FRY: variants seen among roughly 807,000 people sequenced by gnomAD.
FRY encodes the protein protein furry homolog.
FRY carries 128 observed loss-of-function variants against 348.4 expected under a neutral mutation model. The ratio of observed to expected loss-of-function variants is 0.37; its 90% CI spans 0.32 to 0.43. FRY has a LOEUF of 0.43. Among genes scored for constraint, FRY ranks in the 20% least tolerant of loss-of-function variants. The probability of loss-of-function intolerance (pLI) is 1.00; values close to 1 mark genes in which losing one functional copy is unlikely to be tolerated. For missense variants in FRY, 2,736 were observed against 3,695.2 expected (o/e 0.74, Z 6.73); for synonymous variants, 1,370 against 1,374.7 (o/e 1.00, Z 0.08).
At chr13:32,209,800 G>T (rs546486473) in intron 33 of FRY, 69 bp downstream of exon 33, 2 of 1,455,284 alleles carry the variant, frequency 1.4e-6, no homozygotes, top group African/African-American at 2.8e-5. Flanking sequence ...TTGCAAGTCA[G>T]AATGTGCTCT....
chr13:32,162,206 C>CTAT (rs1424934822), intron 17 of FRY, among the ~76,000 whole-genome samples: 2 of 152,232 alleles, frequency 1.3e-5, no homozygotes, highest in Non-Finnish European at 2.9e-5. Flanking sequence ...CAAAAAATGT[C>CTAT]AATTTAGGCT....
intron 7 of FRY, among the ~76,000 whole-genome samples, chr13:32,126,557 T>C (rs1266041178): frequency 6.6e-6 from 1 of 152,224 alleles, no homozygotes; most frequent in East Asian, 1.9e-4. Flanking sequence ...ATGCCTCCAT[T>C]TGGACAGTGC....
chr13:32,274,494 T>TAG (rs1429231686), intron 55 of FRY, among the ~76,000 whole-genome samples: 3 of 147,226 alleles, frequency 2.0e-5, no homozygotes, highest in Non-Finnish European at 4.5e-5. Context: ...GATCACAAGG[T>TAG]CAGATCGAGA....
At chr13:32,226,123 C>T (rs1885566870) in intron 39 of FRY, 149 bp downstream of exon 39, 6 of 677,760 alleles carry the variant, frequency 8.9e-6, no homozygotes, top group Non-Finnish European at 1.3e-5. Flanking sequence ...AAATACACAC[C>T]ATTTCACTTG....
chr13:32,249,467 G>A, intron 48 of FRY, 59 bp from the exon 49 acceptor site: 1 of 1,584,640 alleles, frequency 6.3e-7, no homozygotes, highest in Non-Finnish European at 8.6e-7. Flanking sequence ...TGGGGAGAAG[G>A]GTTTCATATA....
In FRY at chr13:32,194,256, A is replaced by G. The variant is rs772939516; in HGVS notation, c.3705A>G (p.Ala1235=). 12 of 1,614,108 alleles carry G rather than the reference A, an allele frequency of 7.4e-6. No homozygotes were observed. The highest frequency in any genetic ancestry group is 2.7e-5 in the African/African-American group (2 of 74,958). The change falls in exon 29 of 61, where the codon GCA becomes GCG. Residue 1235 remains alanine, a synonymous_variant. Coordinates refer to ENST00000542859, the MANE Select transcript of FRY (RefSeq NM_023037.3). ...GCTACACAGGTTCCTACCAACTTGC[A>G]TCTGGCTGCTTCAAAGCCATAGCAA... ...DRCYTGSYQL[A]SGCFKAIATV...
chr13:32,242,507 A>G (rs1273550327), intron 46 of FRY, among the ~76,000 whole-genome samples: 2 of 152,036 alleles, frequency 1.3e-5, no homozygotes, highest in Non-Finnish European at 2.9e-5. Context: ...TTATAGATTT[A>G]CATAATTATT....
Position 32,202,537 on chromosome 13 carries a change from A to G in FRY, c.4018+10A>G. On this transcript the variant is annotated intron_variant, in intron 31 of 60. Transcript: ENST00000542859. ...CTCCCCCTCTTCTCAGGTACCAGGC[A>G]ATAGTCAATAATGACATATGTGATC... 6.3e-7 allele frequency: 1 copy of G among 1,595,560 alleles called. No homozygotes were observed. The highest frequency in any genetic ancestry group is 8.6e-7 in the Non-Finnish European group (1 of 1,163,170).
intron 51 of FRY, among the ~76,000 whole-genome samples, chr13:32,258,965 GA>G (rs981832269): frequency 3.3e-5 from 5 of 151,886 alleles, no homozygotes; most frequent in Admixed American, 6.5e-5. Context: ...GTTCCAATAT[GA>G]AAAAAAGTGT....
intron 1 of FRY, among the ~76,000 whole-genome samples, chr13:32,048,169 T>C (rs1038084487): frequency 6.6e-6 from 1 of 152,226 alleles, no homozygotes; most frequent in Non-Finnish European, 1.5e-5. Flanking sequence ...ATTGAATGAG[T>C]GAATAAAATC....
intron 2 of FRY, among the ~76,000 whole-genome samples, chr13:32,079,286 A>G (rs1875318966): frequency 6.6e-6 from 1 of 152,172 alleles, no homozygotes; most frequent in Admixed American, 6.5e-5. Context: ...TTTTGGACTA[A>G]TAAGCTTAAT....
intron 1 of FRY, chr13:32,038,577 T>C (rs1271915981): frequency 6.6e-6 from 1 of 152,182 alleles, no homozygotes; most frequent in East Asian, 1.9e-4. Context: ...CTAATGTCTT[T>C]CATTTGATAG....
rs970632803 is a variant in FRY at position 32,295,585 on chromosome 13, G to T, written c.*125G>T. 11 of 897,246 alleles carry T rather than the reference G, an allele frequency of 1.2e-5. No homozygotes were observed. Among genetic ancestry groups the T allele is most frequent in the African/African-American group, 1.6e-5 (1 of 60,794 alleles). The allele number at this position is 897,246 out of a possible 1,614,324, so 55.6% of individuals were successfully genotyped here. Reference sequence around the variant, plus strand: ...CTGTTCTCCCTCTTGTTACCTGTAGGGCTTTTTCTAAAGAGGATGGCAGAA... The same window carrying T: ...CTGTTCTCCCTCTTGTTACCTGTAGTGCTTTTTCTAAAGAGGATGGCAGAA... On this transcript the variant is annotated 3_prime_UTR_variant, in exon 61 of 61. Transcript: ENST00000542859.
intron 3 of FRY, among the ~76,000 whole-genome samples, chr13:32,108,043 C>A (rs1877688753): frequency 6.6e-6 from 1 of 152,084 alleles, no homozygotes; most frequent in Non-Finnish European, 1.5e-5. Flanking sequence ...TATATACATA[C>A]ACACAAAGTT....
chr13:32,176,410 G>T (rs1372155434), intron 20 of FRY, among the ~76,000 whole-genome samples: 1 of 152,170 alleles, frequency 6.6e-6, no homozygotes. Context: ...ATACTTGTCA[G>T]ATAATTATAA....
At chr13:32,073,400 G>A (rs1039585245) in intron 1 of FRY, among the ~76,000 whole-genome samples, 8 of 152,088 alleles carry the variant, frequency 5.3e-5, no homozygotes, top group Non-Finnish European at 7.4e-5. Flanking sequence ...TCCTTCCTGC[G>A]GCAGCCCCAG....
In FRY at chr13:32,209,027, C is replaced by T. The variant is rs979661477; in HGVS notation, c.4193C>T (p.Ser1398Phe). The T allele has an allele frequency of 6.2e-7, 1 of 1,614,088 alleles. No individual in the cohort carries two copies. Among genetic ancestry groups the T allele is most frequent in the African/African-American group, 1.3e-5 (1 of 74,938 alleles). Residue 1398 changes from serine (S) to phenylalanine (F), a missense_variant, in exon 32 of 61, where the codon TCT becomes TTT. Transcript: ENST00000542859. ...VKDREGDVTA[S>F]HGLRGNGWGS... is the part of the protein sequence containing the mutation. ...GACCGGGAAGGTGACGTGACTGCTT[C>T]TCACGGGCTGAGAGGAAATGGCTGG... is the stretch of plus-strand genomic sequence containing the variant.
At chr13:32,081,995 A>T (rs893927789) in intron 2 of FRY, among the ~76,000 whole-genome samples, 1 of 152,206 alleles carries the variant, frequency 6.6e-6, no homozygotes, top group Non-Finnish European at 1.5e-5. Context: ...TATTATTCTT[A>T]ACTAAATACG....
At chr13:32,234,802 C>T in intron 42 of FRY, 41 bp downstream of exon 42, 1 of 1,491,300 alleles carries the variant, frequency 6.7e-7, no homozygotes, top group South Asian at 1.1e-5. Context: ...AGGATGAGCT[C>T]TCTCATCTCA....
Sources: gnomAD v4.1 joint callset for allele counts (sites outside exome capture counted in the v4.1 genomes callset) on GRCh38, gnomAD v4.1.1 for gene constraint, MANE v1.5 for transcripts, NCBI Gene and HGNC (gene_info 2026-07-23, HGNC 2026-07-21) for gene names.